Variants in CD320 observed in about 807,000 individuals in gnomAD.
CD320 encodes CD320 antigen.
CD320 carries 16 observed loss-of-function variants against 22.1 expected under a neutral mutation model. The ratio of observed to expected loss-of-function variants is 0.73; its 90% CI spans 0.49 to 1.10. The LOEUF is 1.10. CD320 is among the 50% of genes least tolerant of loss of function. The probability of loss-of-function intolerance (pLI) is 0.00; values close to 1 mark genes in which losing one functional copy is unlikely to be tolerated. For synonymous variants in CD320, 188 were observed against 167.8 expected, an observed-to-expected ratio of 1.12 and a Z score of -0.93; for missense variants, 388 against 376.9, an observed-to-expected ratio of 1.03 and a Z score of -0.24.
Position 8,303,114 on chromosome 19 carries a change from CT to C in CD320, c.503-135del, listed in dbSNP as rs909856646. On this transcript the variant is annotated intron_variant, in intron 3 of 4. Coordinates refer to ENST00000301458, the MANE Select transcript of CD320 (RefSeq NM_016579.4). ...TGAAGCTGACTGCCCGTAATTATGTCTTTTTTTTTTTTTTTTTTTGGAGAGG... is the reference window on the plus strand; with the variant it reads ...TGAAGCTGACTGCCCGTAATTATGTCTTTTTTTTTTTTTTTTTTGGAGAGG... 70,526 of 495,186 alleles carry C rather than the reference CT, an allele frequency of 0.14. 27 individuals are homozygous for C. The highest frequency in any genetic ancestry group is 0.18 in the South Asian group (8,028 of 43,548). The allele number at this position is 495,186 out of a possible 1,614,324, so 30.7% of individuals were successfully genotyped here. A position where few individuals can be genotyped will look rare whatever the true frequency, so the allele number is the denominator to read the frequency against.
chr19:8,305,296 G>A, intron 1 of CD320, 140 bp from the exon 2 acceptor site: 1 of 1,047,962 alleles, frequency 9.5e-7, no homozygotes, highest in Middle Eastern at 2.7e-4. Context: ...GCTTGTTACT[G>A]AGCCCCTAGT....
In CD320 at chr19:8,302,296, C is replaced by A. The variant is rs1216933635; in HGVS notation, c.*167G>T. Reference sequence around the variant, plus strand: ...TCTCCATAGGGAGTGTCCAGGGACCCTCAATCTCCAGGGCCACTTCTGCAG... The same window carrying A: ...TCTCCATAGGGAGTGTCCAGGGACCATCAATCTCCAGGGCCACTTCTGCAG... On this transcript the variant is annotated 3_prime_UTR_variant, in exon 5 of 5. Coordinates refer to ENST00000301458, the MANE Select transcript of CD320 (RefSeq NM_016579.4). 2 of 855,456 alleles carry A rather than the reference C, an allele frequency of 2.3e-6. No individual in the cohort carries two copies. The highest frequency in any genetic ancestry group is 2.5e-5 in the East Asian group (1 of 39,978). The allele number at this position is 855,456 out of a possible 1,614,324, so 53.0% of individuals were successfully genotyped here. A position where few individuals can be genotyped will look rare whatever the true frequency, so the allele number is the denominator to read the frequency against.
In CD320 at chr19:8,302,903, TGAGA is replaced by T. The variant is rs1458434482; in HGVS notation, c.576_579del (p.Leu193GlyfsTer10). 1 of 1,613,334 alleles carries T rather than the reference TGAGA, an allele frequency of 6.2e-7. No individual in the cohort carries two copies. The highest frequency in any genetic ancestry group is 8.5e-7 in the Non-Finnish European group (1 of 1,179,668). On this transcript the variant is annotated frameshift_variant, in exon 4 of 5. Transcript: ENST00000301458. LOFTEE classifies it high-confidence loss of function. ...GGGGGCCCCATGGTTGTGGCATTCC[TGAGA>T]GAGGTGACACTCTCCAGGGTCACAG... is the stretch of plus-strand genomic sequence containing the variant.
At position 8,302,370 on chromosome 19, in the gene CD320, G is replaced by C. The variant is rs1216459167; in HGVS notation, c.*93C>G. On this transcript the variant is annotated 3_prime_UTR_variant, in exon 5 of 5. Coordinates refer to ENST00000301458, the MANE Select transcript of CD320 (RefSeq NM_016579.4). Reference sequence around the variant, plus strand: ...TGGCCAGAAGAGCTCAGGTCTCTGAGGGCTGGTGTGCCCGGGTACCCATCC... The same window carrying C: ...TGGCCAGAAGAGCTCAGGTCTCTGACGGCTGGTGTGCCCGGGTACCCATCC... 6.6e-7 allele frequency: 1 copy of C among 1,504,562 alleles called. No individual in the cohort carries two copies. The highest frequency in any genetic ancestry group is 9.2e-7 in the Non-Finnish European group (1 of 1,085,482). 93.2% of individuals were successfully genotyped at this position (1,504,562 alleles called of 1,614,324 possible). A position where few individuals can be genotyped will look rare whatever the true frequency, so the allele number is the denominator to read the frequency against.
intron 1 of CD320, among the ~76,000 whole-genome samples, chr19:8,307,282 CAA>C (rs140780600): frequency 1.8e-5 from 2 of 112,606 alleles, no homozygotes; most frequent in African/African-American, 2.9e-5. Flanking sequence ...GAGGGAGACT[CAA>C]AAAAAAAAAA....
Position 8,303,868 on chromosome 19 carries a change from G to A in CD320, c.489C>T (p.Asp163=), listed in dbSNP as rs759382341. The change falls in exon 3 of 5, where the codon GAC becomes GAT. Residue 163 remains aspartate, a synonymous_variant. Coordinates refer to ENST00000301458, the MANE Select transcript of CD320 (RefSeq NM_016579.4). ...DGHPDCPDSS[D]ELGCGTNEIL... ...GCAGGTGCATACCACAGCCGAGCTCGTCGCTGGAGTCGGGACAGTCTGGGT... is the reference window on the plus strand; with the variant it reads ...GCAGGTGCATACCACAGCCGAGCTCATCGCTGGAGTCGGGACAGTCTGGGT... 2.0e-5 allele frequency: 32 copies of A among 1,599,698 alleles called. No homozygotes were observed. The highest frequency in any genetic ancestry group is 1.6e-4 in the Middle Eastern group (1 of 6,066).
At position 8,308,249 on chromosome 19, in the gene CD320, T is replaced by G; in HGVS notation, c.42A>C (p.Thr14=). The change falls in exon 1 of 5, where the codon ACA becomes ACC. Residue 14 remains threonine (T), a synonymous_variant. Transcript: ENST00000301458. ...GWMAQVGAWR[T]GALGLALLLL... ...GCAGCAGCGCCAGGCCCAGAGCCCC[T>G]GTTCGCCACGCTCCAACCTGCGCCA... The G allele has an allele frequency of 6.3e-7, 1 of 1,583,912 alleles. No homozygotes were observed. Among genetic ancestry groups the G allele is most frequent in the Non-Finnish European group, 8.5e-7 (1 of 1,171,438 alleles).
In CD320 at chr19:8,302,175, G is replaced by A; in HGVS notation, c.*288C>T. On this transcript the variant is annotated 3_prime_UTR_variant, in exon 5 of 5. Transcript: ENST00000301458. ...GCCACCCTCAGACGGGGCAGCAGGA[G>A]TGTCTTAAGCACAGGGCCGTTCTAC... The A allele has an allele frequency of 1.7e-6, 1 of 600,218 alleles. No individual in the cohort carries two copies. The highest frequency in any genetic ancestry group is 3.1e-6 in the Non-Finnish European group (1 of 317,740). 37.2% of individuals were successfully genotyped at this position (600,218 alleles called of 1,614,324 possible).
chr19:8,302,219 G>A lies in CD320; in HGVS notation c.*244C>T. On this transcript the variant is annotated 3_prime_UTR_variant, in exon 5 of 5. Coordinates refer to ENST00000301458, the MANE Select transcript of CD320 (RefSeq NM_016579.4). ...GTTCTACCCCCTGGGAGCTGCCTGG[G>A]GCCAGCCCCTCAGTTCTGGCTGTGG... 1 of 680,092 alleles carries A rather than the reference G, an allele frequency of 1.5e-6. No individual in the cohort carries two copies. The highest frequency in any genetic ancestry group is 2.7e-6 in the Non-Finnish European group (1 of 371,468). The allele number at this position is 680,092 out of a possible 1,614,324, so 42.1% of individuals were successfully genotyped here.
chr19:8,302,628 G>C, intron 4 of CD320, 23 bp from the exon 5 acceptor site: 1 of 1,611,010 alleles, frequency 6.2e-7, no homozygotes, highest in Non-Finnish European at 8.5e-7. Flanking sequence ...GATGGACAGA[G>C]GAGTAAGGAG....
Position 8,302,305 on chromosome 19 carries a change from C to T in CD320, c.*158G>A, listed in dbSNP as rs757086759. ...GGAGTGTCCAGGGACCCTCAATCTC[C>T]AGGGCCACTTCTGCAGGAGCTCGGG... On this transcript the variant is annotated 3_prime_UTR_variant, in exon 5 of 5. Transcript: ENST00000301458. 1.1e-6 allele frequency: 1 copy of T among 911,842 alleles called. No individual in the cohort carries two copies. The highest frequency in any genetic ancestry group is 1.8e-6 in the Non-Finnish European group (1 of 560,168). 56.5% of individuals were successfully genotyped at this position (911,842 alleles called of 1,614,324 possible).
At chr19:8,304,178 T>G in intron 2 of CD320, 90 bp from the exon 3 acceptor site, 2 of 703,908 alleles carry the variant, frequency 2.8e-6, no homozygotes, top group Admixed American at 2.4e-5. Context: ...CCCCACCCTC[T>G]AAGAACAGCT....
At chr19:8,303,151 C>T (rs1970035706) in intron 3 of CD320, among the ~76,000 whole-genome samples, 171 bp from the exon 4 acceptor site, 1 of 143,556 alleles carries the variant, frequency 7.0e-6, no homozygotes, top group Non-Finnish European at 1.5e-5. Context: ...GAGTCTGGCT[C>T]TGCCACCCAG....
At position 8,302,836 on chromosome 19, in the gene CD320, G is replaced by C. The variant is rs146328123; in HGVS notation, c.647C>G (p.Ser216Cys). Residue 216 changes from serine to cysteine, a missense_variant, in exon 4 of 5, where the codon TCC becomes TGC. Transcript: ENST00000301458. ...TCCAGACTGGTCTCCGGCAGAGGAG[G>C]ATGTGGCATTCCCGACAGAGGGGAC... ...ESVPSVGNAT[S>C]SSAGDQSGSP... The C allele has an allele frequency of 6.2e-7, 1 of 1,614,010 alleles. No individual in the cohort carries two copies. Among genetic ancestry groups the C allele is most frequent in the Admixed American group, 1.7e-5 (1 of 59,990 alleles).
Position 8,308,328 on chromosome 19 carries a change from A to G in CD320, c.-38T>C. On this transcript the variant is annotated 5_prime_UTR_variant, in exon 1 of 5. Coordinates refer to ENST00000301458, the MANE Select transcript of CD320 (RefSeq NM_016579.4). ...GCGGCGCCGGCCACGCGCTGTCCAGACCGCTCTCTTATCCCTGCGCACGCG... is the reference window on the plus strand; with the variant it reads ...GCGGCGCCGGCCACGCGCTGTCCAGGCCGCTCTCTTATCCCTGCGCACGCG... The G allele has an allele frequency of 6.3e-7, 1 of 1,575,728 alleles. No individual in the cohort carries two copies. The highest frequency in any genetic ancestry group is 2.3e-5 in the East Asian group (1 of 43,354).
At position 8,304,031 on chromosome 19, in the gene CD320, G is replaced by A. The variant is rs1403883523; in HGVS notation, c.326C>T (p.Pro109Leu). Residue 109 changes from proline to leucine, a missense_variant, in exon 3 of 5, where the codon CCC (proline) becomes CTC (leucine). Pro to Leu is a moderately conservative substitution (Grantham distance 98). Transcript: ENST00000301458. ...QCPPPPGLPC[P>L]CTGVSDCSGG... ...AGAGCAGTCACTGACGCCGGTGCAGGGGCAGGGGAGGCCAGGGGGCGGTGG... is the reference window on the plus strand; with the variant it reads ...AGAGCAGTCACTGACGCCGGTGCAGAGGCAGGGGAGGCCAGGGGGCGGTGG... 3.2e-6 allele frequency: 5 copies of A among 1,563,130 alleles called. No individual in the cohort carries two copies. Among genetic ancestry groups the A allele is most frequent in the Non-Finnish European group, 4.3e-6 (5 of 1,153,278 alleles).
chr19:8,304,585 C>A (rs1373909281), intron 2 of CD320, among the ~76,000 whole-genome samples: 1 of 152,152 alleles, frequency 6.6e-6, no homozygotes, highest in African/African-American at 2.4e-5. Context: ...TCAAGTGATC[C>A]GCCTGCCTTG....
chr19:8,304,349 A>C (rs1441034972), intron 2 of CD320, among the ~76,000 whole-genome samples: 2 of 151,652 alleles, frequency 1.3e-5, no homozygotes, highest in East Asian at 3.9e-4. Context: ...TTCTTTCTTT[A>C]TTTTTTCTTT....
rs2145376148 is a variant in CD320, at chr19:8,303,959, A to G, written c.398T>C (p.Leu133Pro). ...KLRNCSRLAC[L>P]AGELRCTLSD... is the part of the protein sequence containing the mutation. ...CAGCGTGCAACGGAGCTCGCCTGCT[A>G]GGCAGGCCAGGCGGCTGCAGTTGCG... Residue 133 changes from leucine to proline, a missense_variant, in exon 3 of 5, where the codon CTA becomes CCA. Physicochemically the swap from Leu to Pro is moderately conservative, Grantham distance 98 (BLOSUM62 -3). Coordinates refer to ENST00000301458, the MANE Select transcript of CD320 (RefSeq NM_016579.4). The G allele has an allele frequency of 6.3e-7, 1 of 1,586,176 alleles. No individual in the cohort carries two copies.
Sources: gnomAD v4.1 joint callset for allele counts (sites outside exome capture counted in the v4.1 genomes callset) on GRCh38, gnomAD v4.1.1 for gene constraint, MANE v1.5 for transcripts, NCBI Gene and HGNC (gene_info 2026-07-23, HGNC 2026-07-21) for gene names.